Variants in PLPP3 observed in about 807,000 individuals in gnomAD.
PLPP3 encodes phospholipid phosphatase 3, also known as PAP2 beta.
A neutral mutation model predicts 29.6 loss-of-function variants in PLPP3; 6 were observed. The ratio of observed to expected loss-of-function variants is 0.20; its 90% CI spans 0.11 to 0.40. The LOEUF (loss-of-function observed/expected upper bound fraction) is 0.40, where lower values mean the gene tolerates loss of function less well. PLPP3 is among the 10% of genes least tolerant of loss of function. The probability of loss-of-function intolerance (pLI) is 1.00; values close to 1 mark genes in which losing one functional copy is unlikely to be tolerated. For missense variants in PLPP3, 308 were observed against 407.7 expected (o/e 0.76, Z 2.11); for synonymous variants, 152 against 159.7 (o/e 0.95, Z 0.36).
Position 56,495,230 on chromosome 1 carries a change from G to A in PLPP3, c.*1321C>T, listed in dbSNP as rs1174153745. 1 of 152,512 alleles carries A rather than the reference G, an allele frequency of 6.6e-6. No homozygotes were observed. Among genetic ancestry groups the A allele is most frequent in the Non-Finnish European group, 1.5e-5 (1 of 68,032 alleles). 9.4% of individuals were successfully genotyped at this position (152,512 alleles called of 1,614,324 possible). ...GATGTGCATGTGGTTGATCCATATG[G>A]TTACATTTAACCCTTTGAAAGGTCT... is the stretch of plus-strand genomic sequence containing the variant. On this transcript the variant is annotated 3_prime_UTR_variant, in exon 6 of 6. Coordinates refer to ENST00000371250, the MANE Select transcript of PLPP3 (RefSeq NM_003713.5).
intron 4 of PLPP3, chr1:56,517,071 T>C (rs1463425680): frequency 6.6e-6 from 1 of 152,232 alleles, no homozygotes; most frequent in Non-Finnish European, 1.5e-5. Context: ...TGTGTTTCAT[T>C]ACATGATTTG....
At chr1:56,521,502 C>T (rs936066989) in intron 4 of PLPP3, among the ~76,000 whole-genome samples, 1 of 151,936 alleles carries the variant, frequency 6.6e-6, no homozygotes, top group African/African-American at 2.4e-5. Flanking sequence ...AGCGTATGTG[C>T]ACAGTGGGGT....
chr1:56,501,336 A>G lies in PLPP3; in HGVS notation c.811-4660T>C, dbSNP rs112576813. ...TTTTGATAACTATGCTAGGAAAGAA[A>G]TATATATAACTCTGCTTTCCTATGC... On this transcript the variant is annotated intron_variant, in intron 5 of 5. Transcript: ENST00000371250. Among the ~76,000 whole-genome samples the G allele has an allele frequency of 6.6e-5, 10 of 152,260 alleles. 1 individual carries two copies. Among genetic ancestry groups the G allele is most frequent in the African/African-American group, 2.4e-4 (10 of 41,546 alleles).
intron 2 of PLPP3, among the ~76,000 whole-genome samples, chr1:56,532,428 T>C (rs1200510950): frequency 2.6e-5 from 4 of 151,966 alleles, no homozygotes; most frequent in African/African-American, 9.7e-5. Context: ...GAGGCAATGT[T>C]GAGGAACCTT....
At chr1:56,578,522 G>T (rs184553907) in intron 1 of PLPP3, among the ~76,000 whole-genome samples, 1 of 152,316 alleles carries the variant, frequency 6.6e-6, no homozygotes, top group East Asian at 1.9e-4. Flanking sequence ...CTATACGCTG[G>T]CTCTAGAGCG....
intron 1 of PLPP3, among the ~76,000 whole-genome samples, chr1:56,550,864 G>A (rs1028753277): frequency 6.6e-6 from 1 of 152,126 alleles, no homozygotes; most frequent in Non-Finnish European, 1.5e-5. Context: ...CAGCTTCCAC[G>A]ACAGCTCCCC....
chr1:56,503,504 C>A (rs112837938), intron 5 of PLPP3, among the ~76,000 whole-genome samples: 3,024 of 152,212 alleles, frequency 0.02, 41 homozygotes, highest in Non-Finnish European at 0.033. Flanking sequence ...GCCTGACCAA[C>A]ATGGAGAAAC....
At chr1:56,537,148 A>G in intron 1 of PLPP3, 36 bp from the exon 2 acceptor site, 1 of 1,583,816 alleles carries the variant, frequency 6.3e-7, no homozygotes, top group Non-Finnish European at 8.6e-7. Context: ...TACCAGAAAA[A>G]AAAAGAAAAA....
At chr1:56,505,411 G>A (rs1232330706) in intron 5 of PLPP3, among the ~76,000 whole-genome samples, 1 of 152,152 alleles carries the variant, frequency 6.6e-6, no homozygotes, top group Non-Finnish European at 1.5e-5. Context: ...CTTAGCAGGG[G>A]AACAAGAAAG....
At chr1:56,560,760 A>G (rs1469694806) in intron 1 of PLPP3, among the ~76,000 whole-genome samples, 3 of 151,910 alleles carry the variant, frequency 2.0e-5, no homozygotes, top group Non-Finnish European at 2.9e-5. Context: ...TTAAGATGTA[A>G]ACTCAGATTT....
At chr1:56,499,071 CG>C (rs1645648270) in intron 5 of PLPP3, among the ~76,000 whole-genome samples, 1 of 60,360 alleles carries the variant, frequency 1.7e-5, no homozygotes, top group African/African-American at 8.6e-5. Context: ...ACAGCTCCCC[CG>C]TCCCCCCCCC....
intron 1 of PLPP3, among the ~76,000 whole-genome samples, chr1:56,567,389 A>G (rs377642908): frequency 6.1e-5 from 8 of 130,302 alleles, no homozygotes; most frequent in Non-Finnish European, 1.3e-4. Context: ...ATCTTAAGGT[A>G]TTTCTTTTTT....
In PLPP3 at chr1:56,557,696, A is replaced by G. The variant is rs1646094193; in HGVS notation, c.140-20584T>C. ...TCATTTCCCTTTTCTGCTCAAAGAC[A>G]TATAACATTGTCAAGTCCACATTTT... is the stretch of plus-strand genomic sequence containing the variant. On this transcript the variant is annotated intron_variant, in intron 1 of 5. Coordinates refer to ENST00000371250, the MANE Select transcript of PLPP3 (RefSeq NM_003713.5). 2.0e-5 allele frequency among the ~76,000 whole-genome samples: 3 copies of G among 152,234 alleles called. No homozygotes were observed. The South Asian group carries it at 6.2e-4, about 31-fold the overall frequency.
chr1:56,576,363 AT>A (rs1320511104), intron 1 of PLPP3, among the ~76,000 whole-genome samples: 4 of 152,056 alleles, frequency 2.6e-5, no homozygotes, highest in African/African-American at 7.2e-5. Flanking sequence ...AGTGGAAACA[AT>A]TTTTTTTAGG....
intron 4 of PLPP3, chr1:56,516,796 A>T (rs1009620307): frequency 2.0e-5 from 3 of 146,868 alleles, no homozygotes; most frequent in Non-Finnish European, 4.5e-5. Flanking sequence ...AAAAAAAAAA[A>T]TTGCTGATTG....
chr1:56,538,183 C>T (rs558295587), intron 1 of PLPP3, among the ~76,000 whole-genome samples: 1 of 152,250 alleles, frequency 6.6e-6, no homozygotes, highest in South Asian at 2.1e-4. Flanking sequence ...TTAGGAGTTC[C>T]CATGACCTGG....
At chr1:56,578,808 C>A (rs899716047) in intron 1 of PLPP3, 70 bp downstream of exon 1, 2 of 1,387,178 alleles carry the variant, frequency 1.4e-6, no homozygotes, top group East Asian at 6.4e-5. Context: ...TGCGCGGCCC[C>A]GGACTGGGCT....
rs1553139323 is a variant in PLPP3, at chr1:56,557,008, A to AAGAAAGAAAGAAAG, written c.140-19897_140-19896insCTTTCTTTCTTTCT. Among the ~76,000 whole-genome samples, 25 of 13,740 alleles carry AAGAAAGAAAGAAAG rather than the reference A, an allele frequency of 1.8e-3. 1 individual carries two copies. The highest frequency in any genetic ancestry group is 5.0e-3 in the African/African-American group (22 of 4,434). 9.0% of individuals were successfully genotyped at this position (13,740 alleles called of 152,430 possible). ...AAAGAAAGAAAGAAAGAAAGAAAGA[A>AAGAAAGAAAGAAAG]AGAGAGAGAGAGAGAGAAAGAGAGA... On this transcript the variant is annotated intron_variant, in intron 1 of 5. Coordinates refer to ENST00000371250, the MANE Select transcript of PLPP3 (RefSeq NM_003713.5).
chr1:56,499,314 AG>A (rs1645650768), intron 5 of PLPP3, among the ~76,000 whole-genome samples: 1 of 152,128 alleles, frequency 6.6e-6, no homozygotes, highest in Non-Finnish European at 1.5e-5. Context: ...TGGATACCAA[AG>A]TAATTACTGG....
Sources: gnomAD v4.1 joint callset for allele counts (sites outside exome capture counted in the v4.1 genomes callset) on GRCh38, gnomAD v4.1.1 for gene constraint, MANE v1.5 for transcripts, NCBI Gene and HGNC (gene_info 2026-07-23, HGNC 2026-07-21) for gene names.